Variants in NECTIN4 observed in about 807,000 individuals in gnomAD.
NECTIN4 encodes the protein nectin-4.
NECTIN4 carries 19 observed loss-of-function variants against 51.7 expected under a neutral mutation model. The observed-to-expected ratio is 0.37, with a 90% confidence interval of 0.26 to 0.54. The LOEUF is 0.54. NECTIN4 is among the 20% of genes least tolerant of loss of function. The pLI is 0.86. For synonymous variants in NECTIN4, 283 were observed against 286.9 expected, an observed-to-expected ratio of 0.99 and a Z score of 0.14; for missense variants, 619 against 662.4, an observed-to-expected ratio of 0.93 and a Z score of 0.72.
At position 161,072,667 on chromosome 1, in the gene NECTIN4, C is replaced by G. The variant is rs1279854480; in HGVS notation, c.1527G>C (p.Leu509=). 3 of 1,613,852 alleles carry G rather than the reference C, an allele frequency of 1.9e-6. No homozygotes were observed. Among genetic ancestry groups the G allele is most frequent in the Non-Finnish European group, 2.5e-6 (3 of 1,179,810 alleles). The change falls in exon 9 of 9, where the codon CTG becomes CTC. Residue 509 remains leucine (L), a synonymous_variant. Coordinates refer to ENST00000368012, the MANE Select transcript of NECTIN4 (RefSeq NM_030916.3). ...GAAGGGAGGCAGGCCTGGGTCAGACCAGGTGTCCCCGCCCATTGATGTAGA... is the reference window on the plus strand; with the variant it reads ...GAAGGGAGGCAGGCCTGGGTCAGACGAGGTGTCCCCGCCCATTGATGTAGA... The part of the protein sequence containing the change: ...NGIYINGRGH[L]V
chr1:161,076,279 C>T, intron 4 of NECTIN4, 76 bp downstream of exon 4: 2 of 1,550,628 alleles, frequency 1.3e-6, no homozygotes. Context: ...TGTCCCATTC[C>T]ATAGTGGTAT....
rs143762939 is a variant in NECTIN4 at position 161,072,117 on chromosome 1, G to A, written c.*544C>T. The A allele has an allele frequency of 6.1e-5, 12 of 195,722 alleles. No individual in the cohort carries two copies. The highest frequency in any genetic ancestry group is 9.1e-5 in the South Asian group (1 of 10,956). 12.1% of individuals were successfully genotyped at this position (195,722 alleles called of 1,614,324 possible). ...GGTAGGAGACAGGTTCCCTCACACC[G>A]GAGGCAGATTCCAGCTCCAGCTATG... On this transcript the variant is annotated 3_prime_UTR_variant, in exon 9 of 9. Coordinates refer to ENST00000368012, the MANE Select transcript of NECTIN4 (RefSeq NM_030916.3).
At chr1:161,073,519 A>G (rs1043014114) in intron 7 of NECTIN4, among the ~76,000 whole-genome samples, 1 of 152,228 alleles carries the variant, frequency 6.6e-6, no homozygotes, top group Non-Finnish European at 1.5e-5. Flanking sequence ...CCCTAGGCCA[A>G]TGCTGAAGGG....
chr1:161,074,960 C>A (rs559599278), intron 4 of NECTIN4, among the ~76,000 whole-genome samples: 3 of 152,154 alleles, frequency 2.0e-5, no homozygotes, highest in East Asian at 3.9e-4. Flanking sequence ...TGGGCACCCC[C>A]CACACACACC....
chr1:161,078,243 T>C (rs1454959347), intron 2 of NECTIN4, among the ~76,000 whole-genome samples: 6 of 152,154 alleles, frequency 3.9e-5, no homozygotes, highest in Non-Finnish European at 5.9e-5. Flanking sequence ...GCTGATGTTA[T>C]TAACTTATAT....
At position 161,071,254 on chromosome 1, in the gene NECTIN4, T is replaced by C. The variant is rs532169466; in HGVS notation, c.*1407A>G. On this transcript the variant is annotated 3_prime_UTR_variant, in exon 9 of 9. Transcript: ENST00000368012. The stretch of plus-strand genomic sequence containing the variant: ...GTGGGCCAGCTAAAAATAAACCTCA[T>C]TGAACTCCAGCCCCAACCCAGAGAA... The C allele has an allele frequency of 3.3e-5, 5 of 152,088 alleles. No homozygotes were observed. Among genetic ancestry groups the C allele is most frequent in the African/African-American group, 7.2e-5 (3 of 41,472 alleles). 9.4% of individuals were successfully genotyped at this position (152,088 alleles called of 1,614,324 possible). A position where few individuals can be genotyped will look rare whatever the true frequency, so the allele number is the denominator to read the frequency against.
intron 2 of NECTIN4, among the ~76,000 whole-genome samples, chr1:161,078,669 G>A (rs561766984): frequency 1.3e-5 from 2 of 152,062 alleles, no homozygotes; most frequent in African/African-American, 4.8e-5. Flanking sequence ...TAACTTGACC[G>A]TAAGTCCAGA....
intron 4 of NECTIN4, among the ~76,000 whole-genome samples, chr1:161,075,410 A>G (rs936976455): frequency 1.3e-5 from 2 of 152,376 alleles, no homozygotes; most frequent in East Asian, 3.9e-4. Flanking sequence ...TGTCTTGTCC[A>G]TTTTATGCAC....
In NECTIN4 at chr1:161,077,631, G is replaced by A. The variant is rs756205201; in HGVS notation, c.552C>T (p.Asp184=). Residue 184 remains aspartate, a synonymous_variant, in exon 3 of 9, where the codon GAC becomes GAT. Transcript: ENST00000368012. ...EGSPAPSVTW[D]TEVKGTTSSR... The stretch of plus-strand genomic sequence containing the variant: ...TGGACGTTGTGCCTTTGACCTCCGT[G>A]TCCCAGGTCACGCTGGGGGCTGGGC... 30 of 1,613,616 alleles carry A rather than the reference G, an allele frequency of 1.9e-5. No homozygotes were observed. Among genetic ancestry groups the A allele is most frequent in the Non-Finnish European group, 2.5e-5 (29 of 1,180,042 alleles).
At chr1:161,087,813 T>G (rs1347994280) in intron 1 of NECTIN4, among the ~76,000 whole-genome samples, 1 of 152,074 alleles carries the variant, frequency 6.6e-6, no homozygotes, top group Non-Finnish European at 1.5e-5. Context: ...ATCTTGCAGA[T>G]CTCACTTGCC....
rs187059712 is a variant in NECTIN4, at chr1:161,089,129, C to T, written c.79+89G>A. The stretch of plus-strand genomic sequence containing the variant: ...TCAAAGAAAGGAGGATATGTGTGTG[C>T]GTGCGTGTGTGTCTATGTGTTTGTG... On this transcript the variant is annotated intron_variant, in intron 1 of 8. Coordinates refer to ENST00000368012, the MANE Select transcript of NECTIN4 (RefSeq NM_030916.3). The surrounding 1 kb of genome is among the most constrained non-coding windows in gnomAD (Gnocchi z 4.1). 1,013 of 1,113,020 alleles carry T rather than the reference C, an allele frequency of 9.1e-4. 2 individuals carry two copies. The highest frequency in any genetic ancestry group is 1.3e-3 in the Non-Finnish European group (917 of 728,416). The allele number at this position is 1,113,020 out of a possible 1,614,324, so 68.9% of individuals were successfully genotyped here.
rs1653464620 is a variant in NECTIN4, at chr1:161,077,484, G to T, written c.699C>A (p.Asp233Glu). The T allele has an allele frequency of 4.3e-6, 7 of 1,613,996 alleles. No individual in the cohort carries two copies. The highest frequency in any genetic ancestry group is 5.9e-6 in the Non-Finnish European group (7 of 1,180,036). The change falls in exon 3 of 9, where the codon GAC (aspartate) becomes GAA (glutamate). Residue 233 changes from aspartate (D) to glutamate (E), a missense_variant. By Grantham distance (45) the Asp-to-Glu change is conservative (BLOSUM62 2). This residue lies in a region of NECTIN4 where 364 missense variants were observed against 415.7 expected (regional missense o/e 0.88). Coordinates refer to ENST00000368012, the MANE Select transcript of NECTIN4 (RefSeq NM_030916.3). ...CVVSHPGLLQ[D>E]QRITHILHVS... ...CGTGGAGGATGTGGGTGATCCTTTG[G>T]TCCTGGAGCAGGCCAGGATGGGACA...
intron 8 of NECTIN4, 53 bp from the exon 9 acceptor site, chr1:161,072,938 A>G (rs891688213): frequency 7.5e-5 from 113 of 1,516,590 alleles, no homozygotes; most frequent in Non-Finnish European, 9.8e-5. Context: ...GCAGCTGCAC[A>G]TGGTGGGGCA....
chr1:161,083,343 A>G (rs1223411842), intron 1 of NECTIN4, among the ~76,000 whole-genome samples: 2 of 152,182 alleles, frequency 1.3e-5, no homozygotes, highest in African/African-American at 4.8e-5. Context: ...GTCTAAACAG[A>G]CCCAGAAGTC....
chr1:161,076,526 G>A (rs1198595535), intron 3 of NECTIN4, 51 bp from the exon 4 acceptor site: 8 of 1,609,930 alleles, frequency 5.0e-6, no homozygotes, highest in Non-Finnish European at 6.8e-6. Flanking sequence ...CTTTGATCAT[G>A]TGGTACCTCA....
intron 3 of NECTIN4, 122 bp downstream of exon 3, chr1:161,077,331 C>T: frequency 1.1e-6 from 1 of 924,274 alleles, no homozygotes; most frequent in Non-Finnish European, 1.7e-6. Flanking sequence ...TGCTCTGTCA[C>T]ATACTATATA....
rs1249189258 is a variant in NECTIN4 at position 161,089,022 on chromosome 1, A to C, written c.79+196T>G. On this transcript the variant is annotated intron_variant, in intron 1 of 8. Coordinates refer to ENST00000368012, the MANE Select transcript of NECTIN4 (RefSeq NM_030916.3). The surrounding 1 kb of genome is among the most constrained non-coding windows in gnomAD (Gnocchi z 4.1). ...CCTGGCCTGGGGGCTGGGAGGAAAC[A>C]AGAAGGGGGAGGGCTATACTGGCTT... Among the ~76,000 whole-genome samples the C allele has an allele frequency of 6.6e-6, 1 of 151,848 alleles. No individual in the cohort carries two copies. The highest frequency in any genetic ancestry group is 1.9e-4 in the East Asian group (1 of 5,186).
rs1653311673 is a variant in NECTIN4 at position 161,074,249 on chromosome 1, A to T, written c.1125T>A (p.His375Gln). The part of the protein sequence containing the change: ...VVVVVLMSRY[H>Q]RRKAQQMTQK... ...GGGTCATCTGCTGGGCCTTGCGCCGATGGTATCGGGACATGAGCACCACCA... is the reference window on the plus strand; with the variant it reads ...GGGTCATCTGCTGGGCCTTGCGCCGTTGGTATCGGGACATGAGCACCACCA... Residue 375 changes from histidine to glutamine, a missense_variant, in exon 6 of 9, where the codon CAT becomes CAA. Around this residue, in one of 3 missense-constraint regions of NECTIN4, gnomAD observed 364 missense variants for 415.7 expected, o/e 0.88. Coordinates refer to ENST00000368012, the MANE Select transcript of NECTIN4 (RefSeq NM_030916.3). 6.2e-7 allele frequency: 1 copy of T among 1,613,872 alleles called. No homozygotes were observed.
rs904944093 is a variant in NECTIN4, at chr1:161,079,438, G to A, written c.439+152C>T. The A allele has an allele frequency of 2.9e-6, 3 of 1,033,448 alleles. No individual in the cohort carries two copies. The African/African-American group carries it at 4.8e-5, about 17-fold the overall frequency. The allele number at this position is 1,033,448 out of a possible 1,614,324, so 64.0% of individuals were successfully genotyped here. A position where few individuals can be genotyped will look rare whatever the true frequency, so the allele number is the denominator to read the frequency against. Reference sequence around the variant, plus strand: ...TGGAGAGAATTTCTGGATTGGGTGCGAGGATAGCTAGCTGGATGAAGCTCC... The same window carrying A: ...TGGAGAGAATTTCTGGATTGGGTGCAAGGATAGCTAGCTGGATGAAGCTCC... On this transcript the variant is annotated intron_variant, in intron 2 of 8. Coordinates refer to ENST00000368012, the MANE Select transcript of NECTIN4 (RefSeq NM_030916.3).
Sources: allele counts gnomAD v4.1 joint callset (sites outside exome capture counted in the v4.1 genomes callset), GRCh38; gene constraint gnomAD v4.1.1; regional missense constraint gnomAD v4.1.1; non-coding constraint Gnocchi (gnomAD v3.1); transcripts MANE v1.5; gene names NCBI Gene and HGNC (gene_info 2026-07-23, HGNC 2026-07-21).